Variants in HIBCH observed in about 807,000 individuals in gnomAD.
HIBCH encodes 3-hydroxyisobutyryl-CoA hydrolase.
A neutral mutation model predicts 58.2 loss-of-function variants in HIBCH; 50 were observed. The ratio of observed to expected loss-of-function variants is 0.86; its 90% CI spans 0.68 to 1.09. HIBCH has a LOEUF of 1.09. Ranked by LOEUF, HIBCH falls within the 50% of genes least tolerant of loss-of-function variation. The probability of loss-of-function intolerance (pLI) is 0.00; values close to 1 mark genes in which losing one functional copy is unlikely to be tolerated. For synonymous variants in HIBCH, 151 were observed against 146.9 expected (o/e 1.03, Z -0.20); for missense variants, 450 against 449.7 (o/e 1.00, Z -0.01).
intron 13 of HIBCH, 28 bp downstream of exon 13, chr2:190,208,852 A>G: frequency 6.2e-7 from 1 of 1,605,324 alleles, no homozygotes; most frequent in Non-Finnish European, 8.5e-7. Flanking sequence ...CATTTCCCCA[A>G]AATGGTAAGT....
At position 190,315,448 on chromosome 2, in the gene HIBCH, TG is replaced by T. The variant is rs1472858555; in HGVS notation, c.35+4267del. On this transcript the variant is annotated intron_variant, in intron 1 of 13. Transcript: ENST00000359678. This position sits in a 1 kb window ranked among gnomAD's most constrained non-coding sequence, Gnocchi z 5.4. ...CAAGAAACTGTGGGGCCCAGAAATC[TG>T]TGTTTAACAAACCCTCCAGGTGGTT... Among the ~76,000 whole-genome samples the T allele has an allele frequency of 1.3e-5, 2 of 152,320 alleles. No homozygotes were observed. Among genetic ancestry groups the T allele is most frequent in the East Asian group, 3.8e-4 (2 of 5,196 alleles).
At chr2:190,294,199 G>C (rs970900961) in intron 4 of HIBCH, among the ~76,000 whole-genome samples, 4 of 151,624 alleles carry the variant, frequency 2.6e-5, no homozygotes. Context: ...AGATAGTCAG[G>C]TTATAAGACC....
At chr2:190,208,842 C>T (rs754839645) in intron 13 of HIBCH, 38 bp downstream of exon 13, 26 of 1,590,028 alleles carry the variant, frequency 1.6e-5, no homozygotes, top group Non-Finnish European at 1.9e-5. Context: ...TCACAAATCC[C>T]ATTTCCCCAA....
intron 1 of HIBCH, among the ~76,000 whole-genome samples, chr2:190,192,513 A>T (rs528677713): frequency 4.1e-5 from 6 of 147,530 alleles, no homozygotes; most frequent in African/African-American, 1.6e-4. Context: ...TATATATATA[A>T]AACAAATCCT....
In HIBCH at chr2:190,304,630, T is replaced by G. The variant is rs915146417; in HGVS notation, c.78+6124A>C. On this transcript the variant is annotated intron_variant, in intron 2 of 13. Coordinates refer to ENST00000359678, the MANE Select transcript of HIBCH (RefSeq NM_014362.4). This position sits in a 1 kb window ranked among gnomAD's most constrained non-coding sequence, Gnocchi z 4.1. ...ACCACGAAACCAATATTCTCAGTTT[T>G]GATAAGTGTACCATAGTAAGAATAG... is the stretch of plus-strand genomic sequence containing the variant. 4.6e-5 allele frequency among the ~76,000 whole-genome samples: 7 copies of G among 152,090 alleles called. No individual in the cohort carries two copies. Among genetic ancestry groups the G allele is most frequent in the African/African-American group, 1.7e-4 (7 of 41,450 alleles).
chr2:190,312,554 A>G (rs1369411044), intron 1 of HIBCH, among the ~76,000 whole-genome samples: 1 of 152,250 alleles, frequency 6.6e-6, no homozygotes, highest in East Asian at 1.9e-4. Flanking sequence ...ACAAAAGGCA[A>G]TATCACCAGT....
intron 11 of HIBCH, among the ~76,000 whole-genome samples, chr2:190,228,886 C>T (rs903569187): frequency 4.6e-5 from 7 of 152,116 alleles, no homozygotes; most frequent in African/African-American, 1.7e-4. Flanking sequence ...GAGACAATAA[C>T]AAAGAGGACG....
chr2:190,284,507 G>A (rs1687784124), intron 6 of HIBCH, among the ~76,000 whole-genome samples: 1 of 152,172 alleles, frequency 6.6e-6, no homozygotes, highest in South Asian at 2.1e-4. Flanking sequence ...AATAGTTACT[G>A]AAATATTCTC....
Position 190,290,483 on chromosome 2 carries a change from T to G in HIBCH, c.307A>C (p.Ile103Leu). ...TGTTTTGCCTTTTCAGCTTCCGAGATCACTAGGAAGGAAAGATTACAAATA... is the reference window on the plus strand; with the variant it reads ...TGTTTTGCCTTTTCAGCTTCCGAGAGCACTAGGAAGGAAAGATTACAAATA... The part of the protein sequence containing the change: ...AFCAGGDIRV[I>L]SEAEKAKQKI... The change falls in exon 5 of 14, where the codon ATC becomes CTC. Residue 103 changes from isoleucine to leucine, a missense_variant and splice_region_variant. Transcript: ENST00000359678. 6.3e-7 allele frequency: 1 copy of G among 1,589,858 alleles called. No homozygotes were observed. The highest frequency in any genetic ancestry group is 8.6e-7 in the Non-Finnish European group (1 of 1,159,800).
intron 1 of HIBCH, among the ~76,000 whole-genome samples, chr2:190,194,924 T>G (rs1175884627): frequency 3.9e-5 from 6 of 152,166 alleles, no homozygotes; most frequent in African/African-American, 1.4e-4. Flanking sequence ...GCAATCAATC[T>G]TAACTTACCA....
At chr2:190,194,972 G>A (rs185102809) in intron 1 of HIBCH, among the ~76,000 whole-genome samples, 261 of 152,080 alleles carry the variant, frequency 1.7e-3, no homozygotes, top group African/African-American at 6.0e-3. Context: ...AAGTGACCTC[G>A]GCTTCCTGAG....
At chr2:190,259,404 G>T (rs1324632630) in intron 7 of HIBCH, among the ~76,000 whole-genome samples, 1 of 142,216 alleles carries the variant, frequency 7.0e-6, no homozygotes, top group South Asian at 2.3e-4. Flanking sequence ...TATTGCCCAG[G>T]CTACAGTGCA....
chr2:190,289,665 T>C (rs1463190254), intron 5 of HIBCH, among the ~76,000 whole-genome samples: 1 of 152,024 alleles, frequency 6.6e-6, no homozygotes, highest in African/African-American at 2.4e-5. Flanking sequence ...GGCTGGAGGG[T>C]ACACAAGTAC....
At position 190,208,956 on chromosome 2, in the gene HIBCH, C is replaced by T. The variant is rs184964669; in HGVS notation, c.1012-43G>A. The stretch of plus-strand genomic sequence containing the variant: ...TTAAATGGGGATAATTTCTGGGTGT[C>T]CTTATTCTGGGTTATTTTCTCTCTC... On this transcript the variant is annotated intron_variant, in intron 12 of 13. Coordinates refer to ENST00000359678, the MANE Select transcript of HIBCH (RefSeq NM_014362.4). The T allele has an allele frequency of 4.4e-6, 7 of 1,575,972 alleles. No homozygotes were observed. In the African/African-American group the frequency reaches 8.1e-5, roughly 18 times the overall value.
At chr2:190,222,115 C>G (rs1420756027) in intron 11 of HIBCH, among the ~76,000 whole-genome samples, 1 of 152,172 alleles carries the variant, frequency 6.6e-6, no homozygotes, top group Non-Finnish European at 1.5e-5. Context: ...TTCTGGGCTT[C>G]AGGGGTCATA....
chr2:190,224,711 C>T (rs1685838424), intron 11 of HIBCH, among the ~76,000 whole-genome samples: 2 of 152,158 alleles, frequency 1.3e-5, no homozygotes, highest in Admixed American at 6.5e-5. Context: ...ACACTGTCAA[C>T]ATTAGGCAGA....
At chr2:190,228,295 G>A (rs191367291) in intron 11 of HIBCH, among the ~76,000 whole-genome samples, 52 of 151,368 alleles carry the variant, frequency 3.4e-4, no homozygotes, top group Middle Eastern at 3.4e-3. Flanking sequence ...GCAAATTATC[G>A]CAAGGACAGA....
Position 190,252,966 on chromosome 2 carries a change from A to G in HIBCH, c.518-659T>C, listed in dbSNP as rs545546882. On this transcript the variant is annotated intron_variant, in intron 7 of 13. Coordinates refer to ENST00000359678, the MANE Select transcript of HIBCH (RefSeq NM_014362.4). ...CACTTTGGGAGGCCAAGACAGGCAG[A>G]TCACCTGAGGTCAGGAGTTCAAGAC... is the stretch of plus-strand genomic sequence containing the variant. Among the ~76,000 whole-genome samples the G allele has an allele frequency of 1.6e-4, 25 of 152,318 alleles. No individual in the cohort carries two copies. The South Asian group carries it at 5.0e-3, about 30-fold the overall frequency.
chr2:190,245,623 G>T (rs369335298), intron 10 of HIBCH, among the ~76,000 whole-genome samples: 1 of 152,070 alleles, frequency 6.6e-6, no homozygotes, highest in Non-Finnish European at 1.5e-5. Flanking sequence ...GAATTCTCAT[G>T]GTAGATTACT....
Sources: gnomAD v4.1 joint callset for allele counts (sites outside exome capture counted in the v4.1 genomes callset) on GRCh38, gnomAD v4.1.1 for gene constraint, Gnocchi (gnomAD v3.1) non-coding constraint, MANE v1.5 for transcripts, NCBI Gene and HGNC (gene_info 2026-07-23, HGNC 2026-07-21) for gene names.